Variants in ZRANB3 observed in about 807,000 individuals in gnomAD.
ZRANB3 encodes zinc finger RANBP2-type containing 3, also known as DNA annealing helicase and endonuclease ZRANB3.
Under a neutral mutation model 133.8 loss-of-function variants are expected in ZRANB3, and 125 were observed. The ratio of observed to expected loss-of-function variants is 0.93; its 90% confidence interval spans 0.81 to 1.08. ZRANB3 has a LOEUF of 1.08. Ranked by LOEUF, ZRANB3 falls within the 50% of genes least tolerant of loss-of-function variation. The pLI is 0.00. For missense variants in ZRANB3, 1,229 were observed against 1,275.5 expected, an observed-to-expected ratio of 0.96 and a Z score of 0.56; for synonymous variants, 387 against 432.7, an observed-to-expected ratio of 0.89 and a Z score of 1.31.
chr2:135,414,710 C>G (rs1688473261), intron 2 of ZRANB3, among the ~76,000 whole-genome samples: 2 of 152,112 alleles, frequency 1.3e-5, no homozygotes, highest in Non-Finnish European at 1.5e-5. Context: ...GGAAGTAAAG[C>G]TCTCCTCAGC....
intron 15 of ZRANB3, among the ~76,000 whole-genome samples, chr2:135,224,146 C>T (rs1046969004): frequency 9.2e-5 from 14 of 152,082 alleles, no homozygotes; most frequent in Non-Finnish European, 4.4e-5. Flanking sequence ...CCACATTTTA[C>T]AGTTGAGGAA....
At chr2:135,463,422 GTT>G (rs1196168517) in intron 2 of ZRANB3, among the ~76,000 whole-genome samples, 1 of 144,490 alleles carries the variant, frequency 6.9e-6, no homozygotes. Context: ...GGAATATGTT[GTT>G]TTTTTTTTTT....
chr2:135,460,243 A>C (rs1313052347), intron 2 of ZRANB3, among the ~76,000 whole-genome samples: 1 of 152,012 alleles, frequency 6.6e-6, no homozygotes, highest in African/African-American at 2.4e-5. Flanking sequence ...CTTAAATATT[A>C]GCAAACTTTC....
chr2:135,495,450 G>C (rs575279597), intron 2 of ZRANB3, among the ~76,000 whole-genome samples: 1 of 152,106 alleles, frequency 6.6e-6, no homozygotes. Flanking sequence ...GATTAAAGGA[G>C]CATAATGTAT....
At chr2:135,427,456 T>C (rs1398938751) in intron 2 of ZRANB3, among the ~76,000 whole-genome samples, 2 of 151,910 alleles carry the variant, frequency 1.3e-5, no homozygotes, top group Admixed American at 6.6e-5. Flanking sequence ...GCCCAATCCA[T>C]CCACAACAGC....
At chr2:135,417,290 A>C (rs555166657) in intron 2 of ZRANB3, among the ~76,000 whole-genome samples, 136 of 152,268 alleles carry the variant, frequency 8.9e-4, no homozygotes, top group African/African-American at 3.2e-3. Flanking sequence ...CCCATCAAAA[A>C]GTGGGCAAAG....
intron 3 of ZRANB3, among the ~76,000 whole-genome samples, chr2:135,385,327 C>A (rs938803794): frequency 6.6e-6 from 1 of 152,016 alleles, no homozygotes; most frequent in African/African-American, 2.4e-5. Context: ...AACCACTGCT[C>A]AATGAAATAA....
chr2:135,527,894 C>T (rs1694226919), intron 1 of ZRANB3, among the ~76,000 whole-genome samples: 1 of 152,150 alleles, frequency 6.6e-6, no homozygotes, highest in Non-Finnish European at 1.5e-5. Context: ...TTTACATTTT[C>T]CCGTGTGGAC....
At position 135,199,912 on chromosome 2, in the gene ZRANB3, A is replaced by T. The variant is rs1482111732; in HGVS notation, c.*430T>A. The T allele has an allele frequency of 5.2e-6, 1 of 190,738 alleles. No individual in the cohort carries two copies. Among genetic ancestry groups the T allele is most frequent in the African/African-American group, 2.4e-5 (1 of 41,738 alleles). 11.8% of individuals were successfully genotyped at this position (190,738 alleles called of 1,614,324 possible). A position where few individuals can be genotyped will look rare whatever the true frequency, so the allele number is the denominator to read the frequency against. On this transcript the variant is annotated 3_prime_UTR_variant, in exon 21 of 21. Coordinates refer to ENST00000264159, the MANE Select transcript of ZRANB3 (RefSeq NM_032143.4). ...GTCATGCTTGGCCCAGAATTCCCAA[A>T]TAATGATTTGCGTCTGAAATTTCCC...
At chr2:135,200,581 C>A (rs889899341) in intron 20 of ZRANB3, 141 bp from the exon 21 acceptor site, 3 of 674,148 alleles carry the variant, frequency 4.5e-6, no homozygotes, top group African/African-American at 1.8e-5. Context: ...GAAGAGTTAC[C>A]AAACCACAAG....
intron 15 of ZRANB3, among the ~76,000 whole-genome samples, chr2:135,223,868 G>A (rs769621556): frequency 1.3e-5 from 2 of 152,130 alleles, no homozygotes; most frequent in Non-Finnish European, 2.9e-5. Context: ...CTTCTGTAAG[G>A]ATGCTGCTGC....
intron 1 of ZRANB3, among the ~76,000 whole-genome samples, chr2:135,522,788 T>G (rs1694002866): frequency 6.6e-6 from 1 of 152,156 alleles, no homozygotes; most frequent in South Asian, 2.1e-4. Context: ...CCTTGTGACA[T>G]GTAGTAAAGA....
chr2:135,217,521 T>C lies in ZRANB3; in HGVS notation c.2439A>G (p.Pro813=). 1 of 1,613,768 alleles carries C rather than the reference T, an allele frequency of 6.2e-7. No individual in the cohort carries two copies. Among genetic ancestry groups the C allele is most frequent in the Non-Finnish European group, 8.5e-7 (1 of 1,179,806 alleles). The change falls in exon 17 of 21, where the codon CCA becomes CCG. Residue 813 remains proline, a synonymous_variant. Coordinates refer to ENST00000264159, the MANE Select transcript of ZRANB3 (RefSeq NM_032143.4). The part of the protein sequence containing the change: ...IRKSGQLFCS[P]ILALEEITKQ... ...TTGTGATCTCTTCCAAAGCAAGAAT[T>C]GGGCTACAGAATAGCTGTCCACTTT...
chr2:135,367,154 T>C (rs1362776688), intron 3 of ZRANB3, among the ~76,000 whole-genome samples: 3 of 152,206 alleles, frequency 2.0e-5, no homozygotes, highest in South Asian at 2.1e-4. Flanking sequence ...TATTTGCAAG[T>C]TGGTGCTCAG....
intron 8 of ZRANB3, among the ~76,000 whole-genome samples, chr2:135,297,439 G>C (rs1410320158): frequency 2.6e-5 from 4 of 152,138 alleles, no homozygotes; most frequent in African/African-American, 7.2e-5. Flanking sequence ...CGCAGTATTA[G>C]GGTGGGAGTG....
chr2:135,352,180 A>G (rs1685235984), intron 4 of ZRANB3, among the ~76,000 whole-genome samples: 1 of 151,778 alleles, frequency 6.6e-6, no homozygotes, highest in Non-Finnish European at 1.5e-5. Flanking sequence ...AAAAATAAAA[A>G]AAGTCAGCCA....
At chr2:135,220,121 C>A (rs939710402) in intron 15 of ZRANB3, among the ~76,000 whole-genome samples, 2 of 151,994 alleles carry the variant, frequency 1.3e-5, no homozygotes, top group African/African-American at 4.8e-5. Flanking sequence ...GATCCTACCA[C>A]CTTGAACTCC....
rs143341663 is a variant in ZRANB3, at chr2:135,381,667, C to T, written c.180+9135G>A. On this transcript the variant is annotated intron_variant, in intron 3 of 20. Transcript: ENST00000264159. ...TGAAACTTCCAGAGGAACGATCAGG[C>T]AGCAACATTTGCTGTTCACCAATAT... 3.0e-3 allele frequency among the ~76,000 whole-genome samples: 455 copies of T among 152,302 alleles called. 2 individuals are homozygous for T. Among genetic ancestry groups the T allele is most frequent in the African/African-American group, 0.01 (430 of 41,564 alleles).
intron 3 of ZRANB3, among the ~76,000 whole-genome samples, chr2:135,383,718 A>T (rs1270930105): frequency 1.3e-5 from 2 of 152,234 alleles, no homozygotes; most frequent in Non-Finnish European, 2.9e-5. Flanking sequence ...GACTACGTGG[A>T]AACTGAACAA....
Sources: gnomAD v4.1 joint callset for allele counts (sites outside exome capture counted in the v4.1 genomes callset) on GRCh38, gnomAD v4.1.1 for gene constraint, MANE v1.5 for transcripts, NCBI Gene and HGNC (gene_info 2026-07-23, HGNC 2026-07-21) for gene names.